SLMAP: variants seen among roughly 807,000 people sequenced by gnomAD.
The protein encoded by SLMAP is sarcolemma associated protein.
In SLMAP, 44 loss-of-function variants were observed where a neutral mutation model predicts 128.8. The observed-to-expected ratio is 0.34, with a 90% CI of 0.27 to 0.44. The LOEUF is 0.44. Among genes scored for constraint, SLMAP ranks in the 20% least tolerant of loss-of-function variants. The pLI is 1.00. For missense variants in SLMAP, 787 were observed against 985.3 expected (o/e 0.80, Z 2.69); for synonymous variants, 327 against 348.8 (o/e 0.94, Z 0.70).
intron 3 of SLMAP, among the ~76,000 whole-genome samples, chr3:57,836,137 T>C (rs923088795): frequency 6.6e-6 from 1 of 152,138 alleles, no homozygotes; most frequent in Non-Finnish European, 1.5e-5. Flanking sequence ...TTTAAAATAG[T>C]CTCACCAATC....
At chr3:57,874,356 T>C (rs1190296210) in intron 14 of SLMAP, among the ~76,000 whole-genome samples, 4 of 152,214 alleles carry the variant, frequency 2.6e-5, no homozygotes, top group Non-Finnish European at 1.5e-5. Context: ...TTAAGATTTA[T>C]ATTTTGAACC....
In SLMAP at chr3:57,892,506, A is replaced by G. The variant is rs527796458; in HGVS notation, c.1360+2406A>G. ...AGGCAACTTCAGTTCTTTAAACCTC[A>G]GTTCCCTCACTTGTGAAGTGAGATT... is the stretch of plus-strand genomic sequence containing the variant. On this transcript the variant is annotated intron_variant, in intron 15 of 24. Coordinates refer to ENST00000671191, the MANE Select transcript of SLMAP (RefSeq NM_001377540.1). 4.6e-5 allele frequency among the ~76,000 whole-genome samples: 7 copies of G among 152,320 alleles called. No homozygotes were observed. In the South Asian group the frequency reaches 1.5e-3, roughly 32 times the overall value.
intron 2 of SLMAP, among the ~76,000 whole-genome samples, chr3:57,760,451 T>C (rs1438764873): frequency 2.0e-5 from 3 of 152,170 alleles, no homozygotes; most frequent in Non-Finnish European, 4.4e-5. Context: ...TTGAATTGTT[T>C]TAGGAATTAA....
chr3:57,818,498 T>G (rs747756478), intron 2 of SLMAP, among the ~76,000 whole-genome samples: 4 of 152,186 alleles, frequency 2.6e-5, no homozygotes, highest in Admixed American at 1.3e-4. Flanking sequence ...TAATATAACA[T>G]CTGCCTCATG....
chr3:57,847,352 G>A, intron 5 of SLMAP, 119 bp downstream of exon 5: 1 of 701,602 alleles, frequency 1.4e-6, no homozygotes, highest in East Asian at 2.6e-5. Flanking sequence ...TATGTAGAAT[G>A]CATATAGCTA....
At chr3:57,844,380 T>TGA in intron 4 of SLMAP, among the ~76,000 whole-genome samples, 1 of 151,476 alleles carries the variant, frequency 6.6e-6, no homozygotes, top group Admixed American at 6.6e-5. Flanking sequence ...GGTGACAGAG[T>TGA]GAGACTCTGT....
chr3:57,796,869 C>T (rs958757899), intron 2 of SLMAP, among the ~76,000 whole-genome samples: 2 of 152,066 alleles, frequency 1.3e-5, no homozygotes, highest in Non-Finnish European at 2.9e-5. Context: ...GAATATGTCT[C>T]TAAAATTTTT....
At chr3:57,904,202 T>C (rs1182648894) in intron 17 of SLMAP, among the ~76,000 whole-genome samples, 1 of 152,186 alleles carries the variant, frequency 6.6e-6, no homozygotes, top group Non-Finnish European at 1.5e-5. Flanking sequence ...ACTTCTATGA[T>C]CAAACACTAT....
intron 6 of SLMAP, among the ~76,000 whole-genome samples, chr3:57,855,717 AAAAAAAAAC>A (rs1255979125): frequency 9.4e-5 from 14 of 148,948 alleles, no homozygotes; most frequent in African/African-American, 2.0e-4. Context: ...CTGTTAAAAA[AAAAAAAAAC>A]AAAAAAAAAA....
intron 2 of SLMAP, among the ~76,000 whole-genome samples, chr3:57,771,317 C>A (rs1315362016): frequency 6.6e-6 from 1 of 152,058 alleles, no homozygotes; most frequent in East Asian, 1.9e-4. Flanking sequence ...TCAACCCAAC[C>A]CTGCCTAGGC....
chr3:57,781,455 A>G (rs1297593423), intron 2 of SLMAP, among the ~76,000 whole-genome samples: 1 of 152,190 alleles, frequency 6.6e-6, no homozygotes, highest in Admixed American at 6.5e-5. Context: ...TAATAAAAGA[A>G]CAAACAGGAG....
intron 17 of SLMAP, chr3:57,897,321 C>G (rs182305251): frequency 3.9e-6 from 1 of 256,488 alleles, no homozygotes; most frequent in Admixed American, 5.5e-5. Context: ...TTGTAAATTT[C>G]CTTATTTTCT....
At chr3:57,868,914 T>C (rs2095389517) in intron 13 of SLMAP, among the ~76,000 whole-genome samples, 2 of 136,224 alleles carry the variant, frequency 1.5e-5, no homozygotes, top group South Asian at 4.4e-4. Flanking sequence ...TATGTGTGTA[T>C]TATATATAAT....
intron 2 of SLMAP, among the ~76,000 whole-genome samples, chr3:57,771,212 TCCTCC>T (rs2153445820): frequency 1.7e-5 from 2 of 118,514 alleles, no homozygotes; most frequent in African/African-American, 6.5e-5. Flanking sequence ...CTCCTCCTCC[TCCTCC>T]TTTGAGAGAG....
intron 2 of SLMAP, among the ~76,000 whole-genome samples, chr3:57,786,622 T>C (rs2084191510): frequency 6.6e-6 from 1 of 150,562 alleles, no homozygotes; most frequent in Admixed American, 6.7e-5. Context: ...AGTGGCACGA[T>C]CTTGGTTCAC....
chr3:57,826,425 G>T (rs968154183), intron 2 of SLMAP, among the ~76,000 whole-genome samples: 1 of 151,848 alleles, frequency 6.6e-6, no homozygotes, highest in Admixed American at 6.6e-5. Flanking sequence ...ATATGAAATT[G>T]GTTTTCCTGA....
At chr3:57,806,416 G>A (rs148156664) in intron 2 of SLMAP, among the ~76,000 whole-genome samples, 2,563 of 152,102 alleles carry the variant, frequency 0.017, 64 homozygotes, top group African/African-American at 0.059. Flanking sequence ...GTATTCCATG[G>A]TGTTTATGTA....
intron 2 of SLMAP, among the ~76,000 whole-genome samples, chr3:57,759,640 GT>G (rs373739689): frequency 1.1e-3 from 167 of 152,260 alleles, no homozygotes; most frequent in African/African-American, 3.3e-3. Context: ...TCAAACATCA[GT>G]TTACTACTAA....
intron 6 of SLMAP, among the ~76,000 whole-genome samples, chr3:57,852,415 T>C (rs2094541090): frequency 6.6e-6 from 1 of 152,236 alleles, no homozygotes; most frequent in Non-Finnish European, 1.5e-5. Flanking sequence ...TTCCCTCATT[T>C]AATCCTTGGC....
Sources: allele counts gnomAD v4.1 joint callset (sites outside exome capture counted in the v4.1 genomes callset), GRCh38; gene constraint gnomAD v4.1.1; transcripts MANE v1.5; gene names NCBI Gene and HGNC (gene_info 2026-07-23, HGNC 2026-07-21).